GNAQ: variants seen among roughly 807,000 people sequenced by gnomAD.
GNAQ encodes G protein subunit alpha q.
In GNAQ, 8 loss-of-function variants were observed where a neutral mutation model predicts 43.9. That is an observed-to-expected ratio of 0.18 (90% CI 0.11 to 0.33). The LOEUF is 0.33. Among genes scored for constraint, GNAQ ranks in the 10% least tolerant of loss-of-function variants. GNAQ has a pLI of 1.00. For synonymous variants in GNAQ, 155 were observed against 170.7 expected, an observed-to-expected ratio of 0.91 and a Z score of 0.71; for missense variants, 158 against 450.8, an observed-to-expected ratio of 0.35 and a Z score of 5.88.
chr9:77,808,691 G>C (rs571316391), intron 3 of GNAQ, among the ~76,000 whole-genome samples: 63 of 152,044 alleles, frequency 4.1e-4, no homozygotes, highest in Non-Finnish European at 7.9e-4. Flanking sequence ...TCAGAATTTA[G>C]GAGGAGAATT....
At chr9:77,899,589 A>C (rs1339836509) in intron 2 of GNAQ, among the ~76,000 whole-genome samples, 1 of 151,678 alleles carries the variant, frequency 6.6e-6, no homozygotes, top group Non-Finnish European at 1.5e-5. Context: ...CATGACTAGG[A>C]AAAAAAAGGA....
At chr9:77,868,855 C>T (rs1375924317) in intron 2 of GNAQ, among the ~76,000 whole-genome samples, 1 of 151,262 alleles carries the variant, frequency 6.6e-6, no homozygotes, top group East Asian at 1.9e-4. Context: ...GGCGTGGTGG[C>T]GCATGCCTGT....
intron 2 of GNAQ, among the ~76,000 whole-genome samples, chr9:77,828,059 CAAAAAAAAAAAAAAAAAAAA>C (rs71360654): frequency 2.6e-4 from 5 of 19,242 alleles, no homozygotes; most frequent in East Asian, 5.1e-3. Flanking sequence ...GACTCCTCCT[CAAAAAAAAAAAAAAAAAAAA>C]AAAAAAAAAA....
At chr9:77,937,400 T>C (rs1349758322) in intron 1 of GNAQ, among the ~76,000 whole-genome samples, 1 of 152,014 alleles carries the variant, frequency 6.6e-6, no homozygotes, top group Non-Finnish European at 1.5e-5. Flanking sequence ...ATCGCACCAC[T>C]GCATTCCAGC....
Position 77,728,673 on chromosome 9 carries a change from A to G in GNAQ, c.736-6T>C. ...TTGCTTTCCTCCATTCGGTTCTGGA[A>G]AAAAAAAAAAAATCAGAAAAAACAA... On this transcript the variant is annotated splice_polypyrimidine_tract_variant and splice_region_variant and intron_variant, in intron 5 of 6. Coordinates refer to ENST00000286548, the MANE Select transcript of GNAQ (RefSeq NM_002072.5). 2 of 1,443,504 alleles carry G rather than the reference A, an allele frequency of 1.4e-6. No homozygotes were observed. Among genetic ancestry groups the G allele is most frequent in the East Asian group, 2.5e-5 (1 of 39,780 alleles). 89.4% of individuals were successfully genotyped at this position (1,443,504 alleles called of 1,614,324 possible). A position where few individuals can be genotyped will look rare whatever the true frequency, so the allele number is the denominator to read the frequency against.
At chr9:77,994,840 C>T (rs193258476) in intron 1 of GNAQ, among the ~76,000 whole-genome samples, 1 of 152,134 alleles carries the variant, frequency 6.6e-6, no homozygotes, top group Admixed American at 6.5e-5. Context: ...CTTTTTTGTT[C>T]TAGGCCTAAA....
chr9:77,953,203 T>C (rs1260221720), intron 1 of GNAQ, among the ~76,000 whole-genome samples: 4 of 152,152 alleles, frequency 2.6e-5, no homozygotes, highest in South Asian at 2.1e-4. Flanking sequence ...ACCCAGCCTA[T>C]CTGAAAGGTG....
chr9:77,865,537 G>A (rs139199048), intron 2 of GNAQ, among the ~76,000 whole-genome samples: 115 of 152,326 alleles, frequency 7.5e-4, no homozygotes, highest in African/African-American at 2.5e-3. Flanking sequence ...TATATGTAAA[G>A]AGCAGCATCA....
chr9:77,744,074 G>C (rs914259540), intron 5 of GNAQ, among the ~76,000 whole-genome samples: 4 of 152,216 alleles, frequency 2.6e-5, no homozygotes, highest in African/African-American at 9.6e-5. Flanking sequence ...GTGACCATGA[G>C]ACCATCTTGC....
intron 5 of GNAQ, among the ~76,000 whole-genome samples, chr9:77,731,189 G>C (rs972574013): frequency 6.6e-6 from 1 of 152,130 alleles, no homozygotes; most frequent in African/African-American, 2.4e-5. Flanking sequence ...TAGACTATGT[G>C]CAGAGACAGG....
intron 1 of GNAQ, among the ~76,000 whole-genome samples, chr9:77,940,841 C>G (rs1305889361): frequency 1.3e-5 from 2 of 151,856 alleles, no homozygotes; most frequent in Non-Finnish European, 2.9e-5. Flanking sequence ...GTGGCAGACG[C>G]CTGTAGTCCC....
intron 5 of GNAQ, among the ~76,000 whole-genome samples, chr9:77,788,374 A>G (rs1043827285): frequency 6.6e-6 from 1 of 152,218 alleles, no homozygotes. Context: ...AAAAATCTCA[A>G]CAACAATGCT....
Position 77,797,516 on chromosome 9 carries a change from C to A in GNAQ, c.605+4G>T. 1 of 1,610,670 alleles carries A rather than the reference C, an allele frequency of 6.2e-7. No individual in the cohort carries two copies. Among genetic ancestry groups the A allele is most frequent in the South Asian group, 1.1e-5 (1 of 90,982 alleles). On this transcript the variant is annotated splice_donor_region_variant and intron_variant, in intron 4 of 6. Coordinates refer to ENST00000286548, the MANE Select transcript of GNAQ (RefSeq NM_002072.5). ...GAAATAGGTTTCATGGACTCAGTTA[C>A]TACCTGAAAATGACACTTTGTAAGT...
intron 1 of GNAQ, among the ~76,000 whole-genome samples, chr9:78,009,988 T>C (rs759898418): frequency 2.0e-5 from 3 of 152,176 alleles, no homozygotes; most frequent in Non-Finnish European, 2.9e-5. Context: ...TTGAGTGCCC[T>C]TTGCACTAAA....
At chr9:77,755,279 T>C (rs1475814247) in intron 5 of GNAQ, among the ~76,000 whole-genome samples, 1 of 152,164 alleles carries the variant, frequency 6.6e-6, no homozygotes, top group East Asian at 1.9e-4. Context: ...AAAATATAGT[T>C]AGATAAAACG....
chr9:77,904,979 T>C (rs962003629), intron 2 of GNAQ, among the ~76,000 whole-genome samples: 1 of 152,216 alleles, frequency 6.6e-6, no homozygotes, highest in African/African-American at 2.4e-5. Context: ...TGTAATAGTC[T>C]ATTGTTCAAC....
chr9:77,902,883 C>T (rs1241182298), intron 2 of GNAQ, among the ~76,000 whole-genome samples: 1 of 152,186 alleles, frequency 6.6e-6, no homozygotes, highest in Non-Finnish European at 1.5e-5. Context: ...CTTTCTTTTA[C>T]TTCACGTATT....
At chr9:78,030,382 T>C (rs1039107789) in intron 1 of GNAQ, 5 of 395,654 alleles carry the variant, frequency 1.3e-5, no homozygotes, top group African/African-American at 1.0e-4. Context: ...TGGCCAACTC[T>C]TCTAGGCTCC....
intron 6 of GNAQ, among the ~76,000 whole-genome samples, chr9:77,724,987 T>C (rs988790494): frequency 1.3e-5 from 2 of 152,140 alleles, no homozygotes; most frequent in Admixed American, 6.5e-5. Context: ...TGGAGAAGTC[T>C]CTCATTTCAT....
Sources: allele counts gnomAD v4.1 joint callset (sites outside exome capture counted in the v4.1 genomes callset), GRCh38; gene constraint gnomAD v4.1.1; transcripts MANE v1.5; gene names NCBI Gene and HGNC (gene_info 2026-07-23, HGNC 2026-07-21).